LMNTD1: variants seen among roughly 807,000 people sequenced by gnomAD.
LMNTD1 encodes the protein lamin tail domain containing 1, also known as lamin tail domain-containing protein 1.
Under a neutral mutation model 50.9 loss-of-function variants are expected in LMNTD1, and 35 were observed. The ratio of observed to expected loss-of-function variants is 0.69; its 90% CI spans 0.53 to 0.91. The LOEUF (loss-of-function observed/expected upper bound fraction) is 0.91. Among genes scored for constraint, LMNTD1 ranks in the 40% least tolerant of loss-of-function variants. The probability of loss-of-function intolerance (pLI) is 0.00; values close to 1 mark genes in which losing one functional copy is unlikely to be tolerated. For synonymous variants in LMNTD1, 153 were observed against 161.9 expected (o/e 0.94, Z 0.42); for missense variants, 470 against 475.5 (o/e 0.99, Z 0.11).
chr12:25,514,281 G>C (rs2136001139), intron 8 of LMNTD1, among the ~76,000 whole-genome samples: 1 of 152,228 alleles, frequency 6.6e-6, no homozygotes, highest in South Asian at 2.1e-4. Flanking sequence ...ACACTCTCTG[G>C]TGTTGAGACA....
chr12:25,537,977 T>C (rs1288341629), intron 4 of LMNTD1, among the ~76,000 whole-genome samples: 7 of 148,762 alleles, frequency 4.7e-5, no homozygotes, highest in African/African-American at 1.7e-4. Flanking sequence ...GTATCAGCAA[T>C]GGAAGATGAA....
chr12:25,563,106 T>G (rs1944405347), intron 1 of LMNTD1, among the ~76,000 whole-genome samples: 1 of 152,206 alleles, frequency 6.6e-6, no homozygotes, highest in African/African-American at 2.4e-5. Context: ...TCAGAGAAGT[T>G]TGTTATTACC....
chr12:25,500,339 CTG>C (rs1336560087), intron 9 of LMNTD1, among the ~76,000 whole-genome samples: 1 of 152,112 alleles, frequency 6.6e-6, no homozygotes, highest in Non-Finnish European at 1.5e-5. Context: ...CCAGGAGAAA[CTG>C]TTATAAAAAC....
chr12:25,623,766 C>G (rs1252631050), intron 1 of LMNTD1, among the ~76,000 whole-genome samples: 1 of 152,014 alleles, frequency 6.6e-6, no homozygotes, highest in Non-Finnish European at 1.5e-5. Context: ...CCAACAGATG[C>G]TAAAAACATA....
chr12:25,520,817 C>T (rs916707139), intron 6 of LMNTD1, among the ~76,000 whole-genome samples: 2 of 152,164 alleles, frequency 1.3e-5, no homozygotes, highest in Non-Finnish European at 2.9e-5. Context: ...ACATTCCTGC[C>T]AACCATGTAC....
intron 3 of LMNTD1, chr12:25,547,114 C>T (rs535943154): frequency 4.9e-6 from 2 of 410,720 alleles, no homozygotes; most frequent in East Asian, 1.6e-4. Context: ...TAGAAGTTTG[C>T]TCTTTTAAAT....
intron 4 of LMNTD1, among the ~76,000 whole-genome samples, chr12:25,529,037 G>T (rs1015406614): frequency 9.9e-5 from 15 of 152,090 alleles, no homozygotes; most frequent in African/African-American, 3.6e-4. Context: ...GATGACCAAT[G>T]CCCTTCACAA....
At chr12:25,583,421 C>T (rs1315447491) in intron 1 of LMNTD1, among the ~76,000 whole-genome samples, 1 of 152,134 alleles carries the variant, frequency 6.6e-6, no homozygotes, top group Non-Finnish European at 1.5e-5. Flanking sequence ...CTCATTCCTT[C>T]TGCCTCCCAT....
At chr12:25,598,569 G>A (rs898670891) in intron 1 of LMNTD1, among the ~76,000 whole-genome samples, 1 of 151,750 alleles carries the variant, frequency 6.6e-6, no homozygotes, top group Non-Finnish European at 1.5e-5. Context: ...ACAAAAAGTT[G>A]TTTTCTTGAA....
chr12:25,605,403 A>C (rs1278302647), intron 1 of LMNTD1, among the ~76,000 whole-genome samples: 1 of 152,178 alleles, frequency 6.6e-6, no homozygotes, highest in African/African-American at 2.4e-5. Context: ...TGTTTTAAAC[A>C]TGAAGTCCTT....
intron 1 of LMNTD1, among the ~76,000 whole-genome samples, chr12:25,578,552 G>A (rs185195835): frequency 2.1e-3 from 327 of 152,260 alleles, no homozygotes; most frequent in Non-Finnish European, 2.9e-3. Context: ...GTAAATGAGG[G>A]ATCTGTTTAA....
intron 1 of LMNTD1, among the ~76,000 whole-genome samples, chr12:25,633,219 A>G (rs1946758646): frequency 6.6e-6 from 1 of 152,112 alleles, no homozygotes; most frequent in Admixed American, 6.5e-5. Flanking sequence ...CAGCAACACA[A>G]TAATAATGGG....
intron 1 of LMNTD1, among the ~76,000 whole-genome samples, chr12:25,628,107 C>CAAAAA: frequency 1.9e-5 from 1 of 52,466 alleles, no homozygotes; most frequent in Non-Finnish European, 3.1e-5. Context: ...AACTCCGTCT[C>CAAAAA]AAAAAAAAAA....
At chr12:25,490,219 T>C (rs1207492250) in intron 9 of LMNTD1, among the ~76,000 whole-genome samples, 4 of 152,204 alleles carry the variant, frequency 2.6e-5, no homozygotes, top group Admixed American at 6.5e-5. Flanking sequence ...GAAGAAACTA[T>C]GGAAAATGAC....
chr12:25,544,331 C>G (rs972043942), intron 4 of LMNTD1, among the ~76,000 whole-genome samples: 1 of 147,456 alleles, frequency 6.8e-6, no homozygotes, highest in Non-Finnish European at 1.5e-5. Context: ...CCTTCTTTGT[C>G]TCTTTTTATA....
Position 25,533,997 on chromosome 12 carries a change from T to G in LMNTD1, c.492-7042A>C, listed in dbSNP as rs529218173. On this transcript the variant is annotated intron_variant, in intron 4 of 9. Transcript: ENST00000458174. ...ATTTCTTAGAGGTTGAGATGGAGGATGAATGAGAAGTTAGCCTTCTTAATA... is the reference window on the plus strand; with the variant it reads ...ATTTCTTAGAGGTTGAGATGGAGGAGGAATGAGAAGTTAGCCTTCTTAATA... Among the ~76,000 whole-genome samples the G allele has an allele frequency of 5.6e-4, 85 of 152,294 alleles. No individual in the cohort carries two copies. In the South Asian group the frequency reaches 7.2e-3, roughly 13 times the overall value.
At chr12:25,590,993 A>G (rs564803963) in intron 1 of LMNTD1, among the ~76,000 whole-genome samples, 4 of 152,320 alleles carry the variant, frequency 2.6e-5, no homozygotes, top group African/African-American at 9.6e-5. Context: ...GGCTTAGCAC[A>G]TGCTGCATTG....
chr12:25,588,165 G>A (rs1945597928), intron 1 of LMNTD1, among the ~76,000 whole-genome samples: 1 of 152,140 alleles, frequency 6.6e-6, no homozygotes, highest in African/African-American at 2.4e-5. Flanking sequence ...AATGGAAAAT[G>A]TTCAGGAATA....
rs147341473 is a variant in LMNTD1, at chr12:25,561,932, T to C, written c.59-15378A>G. ...CTTTGATCTTCGTTGGTTTAAAGTC[T>C]GTTTCATCAGAGACTAGGATTGCAA... On this transcript the variant is annotated intron_variant, in intron 1 of 7. Transcript: ENST00000445693. 5.6e-3 allele frequency among the ~76,000 whole-genome samples: 847 copies of C among 152,314 alleles called. 23 individuals carry two copies. In the East Asian group the frequency reaches 0.072, roughly 13 times the overall value.
Sources: gnomAD v4.1 joint callset for allele counts (sites outside exome capture counted in the v4.1 genomes callset) on GRCh38, gnomAD v4.1.1 for gene constraint, MANE v1.5 for transcripts, NCBI Gene and HGNC (gene_info 2026-07-23, HGNC 2026-07-21) for gene names.